KCNMB2: variants seen among roughly 807,000 people sequenced by gnomAD.
The protein encoded by KCNMB2 is calcium-activated potassium channel subunit beta-2.
KCNMB2 carries 9 observed loss-of-function variants against 24.5 expected under a neutral mutation model. That is an observed-to-expected ratio of 0.37 (90% CI 0.22 to 0.64). The LOEUF is 0.64. Among genes scored for constraint, KCNMB2 ranks in the 30% least tolerant of loss-of-function variants. KCNMB2 has a pLI of 0.63. For missense variants in KCNMB2, 226 were observed against 284.3 expected, an observed-to-expected ratio of 0.79 and a Z score of 1.47; for synonymous variants, 109 against 104.4, an observed-to-expected ratio of 1.04 and a Z score of -0.27.
intron 1 of KCNMB2, among the ~76,000 whole-genome samples, chr3:178,598,533 T>A (rs1717960097): frequency 6.6e-6 from 1 of 152,052 alleles, no homozygotes; most frequent in Non-Finnish European, 1.5e-5. Context: ...GAAAGAAAGC[T>A]ATGATTACAG....
chr3:178,555,948 A>G (rs996498761), intron 1 of KCNMB2, among the ~76,000 whole-genome samples: 4 of 152,254 alleles, frequency 2.6e-5, no homozygotes, highest in African/African-American at 9.6e-5. Flanking sequence ...GTCTTAAACA[A>G]AGGCTCGAAT....
intron 1 of KCNMB2, among the ~76,000 whole-genome samples, chr3:178,539,421 G>C (rs1358734985): frequency 6.6e-6 from 1 of 152,072 alleles, no homozygotes; most frequent in Non-Finnish European, 1.5e-5. Context: ...TTGCACGGTT[G>C]CATTTTTTTT....
chr3:178,602,746 T>C (rs1366268437), intron 1 of KCNMB2, among the ~76,000 whole-genome samples: 1 of 151,998 alleles, frequency 6.6e-6, no homozygotes, highest in African/African-American at 2.4e-5. Context: ...TGGGTTGACG[T>C]TGGTGAGGTT....
chr3:178,709,158 T>C (rs1722372926), intron 1 of KCNMB2, among the ~76,000 whole-genome samples: 1 of 152,184 alleles, frequency 6.6e-6, no homozygotes, highest in South Asian at 2.1e-4. Context: ...AGTTTGCAAA[T>C]GAAAACGTTG....
intron 1 of KCNMB2, among the ~76,000 whole-genome samples, chr3:178,614,275 A>ATATATATATATATG (rs1560131664): frequency 6.0e-5 from 4 of 66,832 alleles, no homozygotes; most frequent in East Asian, 5.7e-4. Context: ...ATATATATAT[A>ATATATATATATATG]TATATATATA....
intron 1 of KCNMB2, among the ~76,000 whole-genome samples, chr3:178,568,828 AGAT>A (rs1290145068): frequency 0.028 from 2,150 of 75,594 alleles, 30 homozygotes; most frequent in African/African-American, 0.058. Flanking sequence ...ATAGATAGAT[AGAT>A]GATAGATAGA....
chr3:178,609,510 T>G (rs1718402567), intron 1 of KCNMB2, among the ~76,000 whole-genome samples: 1 of 152,196 alleles, frequency 6.6e-6, no homozygotes, highest in Non-Finnish European at 1.5e-5. Context: ...ATTTTTTACT[T>G]TGGTTGCCTG....
At chr3:178,576,114 C>T (rs571036645) in intron 1 of KCNMB2, among the ~76,000 whole-genome samples, 5 of 151,960 alleles carry the variant, frequency 3.3e-5, no homozygotes, top group South Asian at 4.2e-4. Flanking sequence ...ATGCAGAAGG[C>T]GGGTGATTTC....
At chr3:178,574,755 T>C (rs751621269) in intron 1 of KCNMB2, among the ~76,000 whole-genome samples, 8 of 152,152 alleles carry the variant, frequency 5.3e-5, no homozygotes, top group African/African-American at 1.7e-4. Flanking sequence ...GATGATACAA[T>C]GTACACAATT....
intron 1 of KCNMB2, among the ~76,000 whole-genome samples, chr3:178,617,472 C>T (rs576489646): frequency 3.7e-4 from 56 of 151,962 alleles, no homozygotes; most frequent in African/African-American, 1.3e-3. Context: ...GCAGGAGAAT[C>T]GCTTGAACCC....
intron 1 of KCNMB2, among the ~76,000 whole-genome samples, chr3:178,728,887 C>T (rs1723051445): frequency 6.6e-6 from 1 of 152,184 alleles, no homozygotes; most frequent in African/African-American, 2.4e-5. Context: ...GTGCTTATCT[C>T]ATTTTTCTCC....
At chr3:178,759,078 TCTCCAAGAGGG>T (rs1203758202) in intron 1 of KCNMB2, among the ~76,000 whole-genome samples, 3 of 17,746 alleles carry the variant, frequency 1.7e-4, no homozygotes, top group Non-Finnish European at 2.6e-4. Context: ...TATATATATA[TCTCCAAGAGGG>T]ATATATATAT....
At chr3:178,631,599 A>G (rs1204462026) in intron 1 of KCNMB2, among the ~76,000 whole-genome samples, 1 of 152,234 alleles carries the variant, frequency 6.6e-6, no homozygotes, top group Admixed American at 6.5e-5. Flanking sequence ...TAATGGATGA[A>G]CAGATGAATA....
intron 1 of KCNMB2, among the ~76,000 whole-genome samples, chr3:178,739,566 G>A (rs1368041789): frequency 6.6e-6 from 1 of 152,114 alleles, no homozygotes; most frequent in East Asian, 1.9e-4. Flanking sequence ...GAACTTAACA[G>A]GATATTGTCC....
intron 1 of KCNMB2, among the ~76,000 whole-genome samples, chr3:178,719,087 C>A (rs1577122994): frequency 6.6e-6 from 1 of 152,234 alleles, no homozygotes; most frequent in Non-Finnish European, 1.5e-5. Context: ...GATCTATTAT[C>A]TCTTGATTAA....
intron 1 of KCNMB2, among the ~76,000 whole-genome samples, chr3:178,620,777 A>G (rs1229271862): frequency 1.3e-5 from 2 of 152,352 alleles, no homozygotes; most frequent in Non-Finnish European, 2.9e-5. Context: ...ACTCCTGGCA[A>G]TAAGATAACA....
intron 2 of KCNMB2, among the ~76,000 whole-genome samples, chr3:178,814,409 A>C (rs377327191): frequency 1.4e-4 from 22 of 152,266 alleles, no homozygotes; most frequent in African/African-American, 5.3e-4. Context: ...ACTATTATGA[A>C]TAGTGCTTTG....
Position 178,758,241 on chromosome 3 carries a change from G to GATATATATATATATATCTCCAAGGGGAT in KCNMB2, c.-67-49088_-67-49087insATCTCCAAGGGGATATATATATATATAT, listed in dbSNP as rs1240258181. Among the ~76,000 whole-genome samples, 2 of 4,424 alleles carry GATATATATATATATATCTCCAAGGGGAT rather than the reference G, an allele frequency of 4.5e-4. 1 individual carries two copies. Among genetic ancestry groups the GATATATATATATATATCTCCAAGGGGAT allele is most frequent in the Non-Finnish European group, 7.3e-4 (2 of 2,722 alleles). 2.9% of individuals were successfully genotyped at this position (4,424 alleles called of 152,430 possible). A position where few individuals can be genotyped will look rare whatever the true frequency, so the allele number is the denominator to read the frequency against. On this transcript the variant is annotated intron_variant, in intron 1 of 4. Coordinates refer to ENST00000452583, the MANE Select transcript of KCNMB2 (RefSeq NM_181361.3). ...ATATATATATATATATATCCAAGGG[G>GATATATATATATATATCTCCAAGGGGAT]ATATATATATATATCTCCAAGGGGA...
At chr3:178,588,418 T>C (rs1033550365) in intron 1 of KCNMB2, among the ~76,000 whole-genome samples, 2 of 151,936 alleles carry the variant, frequency 1.3e-5, no homozygotes, top group Non-Finnish European at 2.9e-5. Flanking sequence ...CTTAAGAGAG[T>C]GTTAGCAAGC....
Sources: allele counts gnomAD v4.1 joint callset (sites outside exome capture counted in the v4.1 genomes callset), GRCh38; gene constraint gnomAD v4.1.1; transcripts MANE v1.5; gene names NCBI Gene and HGNC (gene_info 2026-07-23, HGNC 2026-07-21).